The following NRXN3 variants were observed in gnomAD, a reference collection of about 807,000 sequenced individuals.
The protein encoded by NRXN3 is neurexin 3, also known as neurexin III.
A neutral mutation model predicts 137.6 loss-of-function variants in NRXN3; 32 were observed. The observed-to-expected ratio is 0.23, with a 90% CI of 0.18 to 0.31. The LOEUF (loss-of-function observed/expected upper bound fraction) is 0.31, where lower values mean the gene tolerates loss of function less well. Among genes scored for constraint, NRXN3 ranks in the 10% least tolerant of loss-of-function variants. The pLI, the probability that NRXN3 is intolerant of heterozygous loss-of-function variation, is 1.00. For missense variants in NRXN3, 1,574 were observed against 2,062.5 expected (o/e 0.76, Z 4.59); for synonymous variants, 798 against 784.5 (o/e 1.02, Z -0.29).
intron 15 of NRXN3, among the ~76,000 whole-genome samples, chr14:79,071,447 T>G (rs2370899): frequency 3.9e-5 from 6 of 152,018 alleles, no homozygotes; most frequent in Non-Finnish European, 8.8e-5. Flanking sequence ...TGTGTTCTCA[T>G]TGAGAAACAC....
chr14:79,631,423 C>G lies in NRXN3; in HGVS notation c.3445-32355C>G, dbSNP rs7160345. Among the ~76,000 whole-genome samples, 913 of 152,370 alleles carry G rather than the reference C, an allele frequency of 6.0e-3. 8 individuals are homozygous for G. The highest frequency in any genetic ancestry group is 0.021 in the African/African-American group (879 of 41,602). ...GGCCCCTCTCTGGGGCTGGCCAAGG[C>G]CTGCCCTCTGCTGGCGGGGAGGTGT... is the stretch of plus-strand genomic sequence containing the variant. On this transcript the variant is annotated intron_variant, in intron 16 of 20. Coordinates refer to ENST00000335750, the MANE Select transcript of NRXN3 (RefSeq NM_001330195.2).
intron 19 of NRXN3, among the ~76,000 whole-genome samples, chr14:79,746,407 T>TGAAA (rs534723676): frequency 4.6e-5 from 7 of 152,134 alleles, no homozygotes; most frequent in Admixed American, 1.3e-4. Flanking sequence ...TTCCTGGCTG[T>TGAAA]GAAAGAATTC....
intron 4 of NRXN3, among the ~76,000 whole-genome samples, chr14:78,637,316 A>G (rs2097575713): frequency 1.3e-5 from 2 of 152,210 alleles, no homozygotes; most frequent in African/African-American, 2.4e-5. Context: ...TTGTAGGTAA[A>G]CTATTCATAA....
intron 15 of NRXN3, among the ~76,000 whole-genome samples, chr14:79,050,517 G>A (rs1458595096): frequency 2.0e-5 from 3 of 152,190 alleles, no homozygotes; most frequent in African/African-American, 7.2e-5. Context: ...GGATCTACAG[G>A]GAGAAGGAAA....
At chr14:79,726,763 A>G (rs2098892289) in intron 19 of NRXN3, among the ~76,000 whole-genome samples, 1 of 150,356 alleles carries the variant, frequency 6.7e-6, no homozygotes, top group Non-Finnish European at 1.5e-5. Flanking sequence ...TTGCTGAAAA[A>G]CTCCCTGGGT....
intron 4 of NRXN3, among the ~76,000 whole-genome samples, chr14:78,495,706 C>T (rs911601869): frequency 6.6e-6 from 1 of 151,992 alleles, no homozygotes; most frequent in Non-Finnish European, 1.5e-5. Context: ...TCATTTTGGC[C>T]CTTTCTGGAA....
At chr14:79,516,908 T>A (rs1223441469) in intron 16 of NRXN3, among the ~76,000 whole-genome samples, 6 of 152,220 alleles carry the variant, frequency 3.9e-5, no homozygotes, top group Admixed American at 6.5e-5. Flanking sequence ...GTTCCTTTAC[T>A]GTTTGCAGTT....
intron 15 of NRXN3, among the ~76,000 whole-genome samples, chr14:79,437,253 T>C (rs973096209): frequency 5.3e-5 from 8 of 152,134 alleles, no homozygotes; most frequent in Admixed American, 6.5e-5. Flanking sequence ...TAGTTCCCAG[T>C]GTCTGGAATG....
Position 79,568,949 on chromosome 14 carries a change from ATCT to A in NRXN3, c.3445-94825_3445-94823del, listed in dbSNP as rs540646439. The stretch of plus-strand genomic sequence containing the variant: ...AGGTAATTGTGTCCTAGAGTAATAC[ATCT>A]TCTGAGCATTCCCTGAGACTATAAT... On this transcript the variant is annotated intron_variant, in intron 16 of 20. Transcript: ENST00000335750. Among the ~76,000 whole-genome samples, 56 of 152,230 alleles carry A rather than the reference ATCT, an allele frequency of 3.7e-4. 1 individual carries two copies. In the South Asian group the frequency reaches 1.0e-2, roughly 27 times the overall value.
At chr14:78,810,034 A>G (rs1400424173) in intron 9 of NRXN3, among the ~76,000 whole-genome samples, 1 of 151,816 alleles carries the variant, frequency 6.6e-6, no homozygotes, top group Admixed American at 6.6e-5. Flanking sequence ...AAAAAAAAAA[A>G]ATGTTTGGTG....
rs575900191 is a variant in NRXN3 at position 79,346,618 on chromosome 14, G to T, written c.3263-120603G>T. On this transcript the variant is annotated intron_variant, in intron 15 of 20. Coordinates refer to ENST00000335750, the MANE Select transcript of NRXN3 (RefSeq NM_001330195.2). ...CTCAGATCTTGTGTGCTACCCCTCT[G>T]CCCCTAAGGTCACTACCCTCTGATC... is the stretch of plus-strand genomic sequence containing the variant. Among the ~76,000 whole-genome samples, 132 of 152,138 alleles carry T rather than the reference G, an allele frequency of 8.7e-4. 1 individual carries two copies. The highest frequency in any genetic ancestry group is 3.1e-3 in the African/African-American group (128 of 41,492).
intron 6 of NRXN3, 48 bp from the exon 7 acceptor site, chr14:78,709,169 C>T (rs2098385606): frequency 1.3e-6 from 2 of 1,551,374 alleles, no homozygotes; most frequent in Non-Finnish European, 1.8e-6. Flanking sequence ...TGGATGGATA[C>T]TGTTTGCAAG....
intron 4 of NRXN3, among the ~76,000 whole-genome samples, chr14:78,584,783 G>A (rs1600852103): frequency 1.3e-5 from 2 of 152,308 alleles, no homozygotes; most frequent in East Asian, 1.9e-4. Context: ...CAGAAAGGCC[G>A]TGTTCTAGCG....
At chr14:78,486,604 C>T (rs188823715) in intron 4 of NRXN3, among the ~76,000 whole-genome samples, 7 of 152,172 alleles carry the variant, frequency 4.6e-5, no homozygotes, top group Non-Finnish European at 1.0e-4. Flanking sequence ...CACTGAGAGC[C>T]TGGGCTTGTC....
chr14:79,148,366 G>A (rs1596482136), intron 15 of NRXN3, among the ~76,000 whole-genome samples: 2 of 152,264 alleles, frequency 1.3e-5, no homozygotes, highest in East Asian at 1.9e-4. Flanking sequence ...CCTGAGGTGG[G>A]AAAGAACTTA....
At chr14:78,457,672 C>T (rs925550135) in intron 4 of NRXN3, among the ~76,000 whole-genome samples, 2 of 152,146 alleles carry the variant, frequency 1.3e-5, no homozygotes, top group Admixed American at 6.5e-5. Flanking sequence ...ACAAGTTAAT[C>T]TGCCACAGGT....
chr14:79,711,940 G>A (rs938139585), intron 19 of NRXN3, among the ~76,000 whole-genome samples: 1 of 152,064 alleles, frequency 6.6e-6, no homozygotes, highest in African/African-American at 2.4e-5. Context: ...GTTTCCTAAG[G>A]CCAGCTGAGG....
intron 15 of NRXN3, among the ~76,000 whole-genome samples, chr14:79,224,053 A>G (rs1049977268): frequency 6.6e-6 from 1 of 152,170 alleles, no homozygotes; most frequent in Non-Finnish European, 1.5e-5. Context: ...GGCAACTTAG[A>G]GCGGACACAT....
At chr14:79,700,619 A>G (rs750188613) in intron 19 of NRXN3, among the ~76,000 whole-genome samples, 4 of 152,100 alleles carry the variant, frequency 2.6e-5, no homozygotes, top group Non-Finnish European at 4.4e-5. Flanking sequence ...TTCCTGGTCA[A>G]CCTGAGGTAG....
Sources: allele counts gnomAD v4.1 joint callset (sites outside exome capture counted in the v4.1 genomes callset), GRCh38; gene constraint gnomAD v4.1.1; transcripts MANE v1.5; gene names NCBI Gene and HGNC (gene_info 2026-07-23, HGNC 2026-07-21).